Variants in GTF2H1 observed in about 807,000 individuals in gnomAD.
GTF2H1 encodes the protein general transcription factor IIH subunit 1.
A neutral mutation model predicts 71.2 loss-of-function variants in GTF2H1; 16 were observed. The ratio of observed to expected loss-of-function variants is 0.22; its 90% CI spans 0.15 to 0.34. The LOEUF (loss-of-function observed/expected upper bound fraction) is 0.34. Among genes scored for constraint, GTF2H1 ranks in the 10% least tolerant of loss-of-function variants. The probability of loss-of-function intolerance (pLI) is 1.00; values close to 1 mark genes in which losing one functional copy is unlikely to be tolerated. For missense variants in GTF2H1, 498 were observed against 648.2 expected (o/e 0.77, Z 2.52); for synonymous variants, 215 against 219.0 (o/e 0.98, Z 0.16).
At chr11:18,365,738 CCCCTGCTT>C in intron 14 of GTF2H1, 37 bp from the exon 15 acceptor site, 1 of 1,327,958 alleles carries the variant, frequency 7.5e-7, no homozygotes, top group Non-Finnish European at 1.1e-6. Context: ...GGATTAACTT[CCCCTGCTT>C]TTGCCCAGTT....
intron 9 of GTF2H1, among the ~76,000 whole-genome samples, chr11:18,350,734 T>C (rs1221269184): frequency 1.3e-5 from 2 of 152,210 alleles, no homozygotes; most frequent in Non-Finnish European, 2.9e-5. Context: ...TGGTAGTCAA[T>C]AAGAGTTGAC....
chr11:18,360,399 G>A (rs1407253758), intron 13 of GTF2H1, among the ~76,000 whole-genome samples: 1 of 152,172 alleles, frequency 6.6e-6, no homozygotes, highest in African/African-American at 2.4e-5. Context: ...GGGATTACAG[G>A]CGTGAGCCAC....
At chr11:18,336,627 G>A (rs1011723800) in intron 3 of GTF2H1, among the ~76,000 whole-genome samples, 9 of 152,198 alleles carry the variant, frequency 5.9e-5, no homozygotes, top group Admixed American at 5.9e-4. Flanking sequence ...GGAAGGTGCT[G>A]AAGTTCCTTA....
chr11:18,329,607 C>T (rs979818848), intron 1 of GTF2H1, among the ~76,000 whole-genome samples: 8 of 152,216 alleles, frequency 5.3e-5, no homozygotes, highest in Non-Finnish European at 1.0e-4. Context: ...GTGGCCTTCT[C>T]CACTATATGC....
intron 4 of GTF2H1, 124 bp from the exon 5 acceptor site, chr11:18,339,440 G>A (rs773793267): frequency 6.7e-6 from 4 of 598,446 alleles, no homozygotes; most frequent in Non-Finnish European, 1.2e-5. Flanking sequence ...GAAGGTGAGG[G>A]ACTTTCTCTG....
At position 18,357,982 on chromosome 11, in the gene GTF2H1, A is replaced by G. The variant is rs752990420; in HGVS notation, c.1291A>G (p.Ile431Val). 1.9e-6 allele frequency: 3 copies of G among 1,611,842 alleles called. No individual in the cohort carries two copies. Among genetic ancestry groups the G allele is most frequent in the African/African-American group, 1.3e-5 (1 of 74,832 alleles). Residue 431 changes from isoleucine to valine, a missense_variant, in exon 12 of 15, where the codon ATC (isoleucine) becomes GTC (valine). Coordinates refer to ENST00000265963, the MANE Select transcript of GTF2H1 (RefSeq NM_005316.4). ...CTCAAGTAGTGCTGCCAGTAGTACC[A>G]TCACAGCACTGTCACCTGGAGGGGC... ...VLSSSAASST[I>V]TALSPGGALM...
chr11:18,360,865 G>GCATGA, intron 14 of GTF2H1, 158 bp downstream of exon 14: 1 of 525,588 alleles, frequency 1.9e-6, no homozygotes, highest in Non-Finnish European at 3.3e-6. Flanking sequence ...GAGTACAGTG[G>GCATGA]CTCCATCTCA....
intron 1 of GTF2H1, among the ~76,000 whole-genome samples, chr11:18,327,097 TAA>T (rs1261545465): frequency 6.6e-6 from 1 of 152,164 alleles, no homozygotes; most frequent in Non-Finnish European, 1.5e-5. Flanking sequence ...ATGTTTATTG[TAA>T]AGAATACTAG....
At chr11:18,330,347 C>T (rs1020742230) in intron 1 of GTF2H1, among the ~76,000 whole-genome samples, 55 of 152,160 alleles carry the variant, frequency 3.6e-4, no homozygotes, top group African/African-American at 1.3e-3. Context: ...TAAAGAAAGG[C>T]AGATTTGTTA....
At chr11:18,359,175 TGGA>T in intron 13 of GTF2H1, among the ~76,000 whole-genome samples, 1 of 152,322 alleles carries the variant, frequency 6.6e-6, no homozygotes, top group African/African-American at 2.4e-5. Flanking sequence ...CACTAAAGAA[TGGA>T]GTGGCCTAGG....
chr11:18,335,933 G>A lies in GTF2H1; in HGVS notation c.334G>A (p.Glu112Lys). 1 of 1,613,806 alleles carries A rather than the reference G, an allele frequency of 6.2e-7. No homozygotes were observed. The highest frequency in any genetic ancestry group is 8.5e-7 in the Non-Finnish European group (1 of 1,179,710). ...KFKRKANKEL[E>K]EKNRMLQEDP... ...CAAGAGGAAAGCAAATAAAGAACTGGAAGAGAAGAACAGGTGGGAGGAAAA... is the reference window on the plus strand; with the variant it reads ...CAAGAGGAAAGCAAATAAAGAACTGAAAGAGAAGAACAGGTGGGAGGAAAA... Residue 112 changes from glutamate (E) to lysine (K), a missense_variant, in exon 3 of 15, where the codon GAA (glutamate) becomes AAA (lysine). Glu to Lys is a moderately conservative substitution (Grantham distance 56). Around this residue, in one of 3 missense-constraint regions of GTF2H1, gnomAD observed 216 missense variants for 306.2 expected, o/e 0.71. Coordinates refer to ENST00000265963, the MANE Select transcript of GTF2H1 (RefSeq NM_005316.4).
chr11:18,355,261 G>C (rs1865516033), intron 11 of GTF2H1, among the ~76,000 whole-genome samples: 1 of 151,604 alleles, frequency 6.6e-6, no homozygotes, highest in South Asian at 2.1e-4. Context: ...TCCTGCCTCA[G>C]CCTCTGGAGT....
intron 14 of GTF2H1, among the ~76,000 whole-genome samples, chr11:18,363,266 C>T (rs150215097): frequency 0.033 from 5,049 of 152,146 alleles, 272 homozygotes; most frequent in African/African-American, 0.11. Context: ...TTTTAAAATA[C>T]AGTAAATAGA....
chr11:18,331,275 C>T (rs1323016201), intron 1 of GTF2H1, among the ~76,000 whole-genome samples: 2 of 152,192 alleles, frequency 1.3e-5, no homozygotes, highest in South Asian at 2.1e-4. Context: ...AGACTGGTCT[C>T]GAGCTCCTGA....
At chr11:18,328,750 C>CG (rs1864828635) in intron 1 of GTF2H1, among the ~76,000 whole-genome samples, 1 of 144,548 alleles carries the variant, frequency 6.9e-6, no homozygotes, top group Admixed American at 6.9e-5. Context: ...CGCTTGAACC[C>CG]GGGAGGCGGA....
chr11:18,360,460 GT>G (rs1344367389), intron 13 of GTF2H1, among the ~76,000 whole-genome samples, 154 bp from the exon 14 acceptor site: 3 of 152,096 alleles, frequency 2.0e-5, no homozygotes, highest in Non-Finnish European at 4.4e-5. Flanking sequence ...ACATTGAAGG[GT>G]TAACAATGTG....
intron 7 of GTF2H1, among the ~76,000 whole-genome samples, chr11:18,344,886 T>G (rs1865249587): frequency 6.6e-6 from 1 of 152,158 alleles, no homozygotes; most frequent in East Asian, 1.9e-4. Context: ...CTAACCAGCT[T>G]CTGCCTATCT....
chr11:18,339,974 C>G (rs1246217671), intron 5 of GTF2H1, among the ~76,000 whole-genome samples: 2 of 152,166 alleles, frequency 1.3e-5, no homozygotes, highest in Non-Finnish European at 2.9e-5. Context: ...GATTCCTTGA[C>G]CCCAGCCTCA....
At position 18,352,547 on chromosome 11, in the gene GTF2H1, C is replaced by A. The variant is rs4150648; in HGVS notation, c.1260+101C>A. ...CCATACAACTAATATTTTAATTGGGCTTAAAGACATAGTTCTGCTAAATAA... is the reference window on the plus strand; with the variant it reads ...CCATACAACTAATATTTTAATTGGGATTAAAGACATAGTTCTGCTAAATAA... On this transcript the variant is annotated intron_variant, in intron 11 of 14. Transcript: ENST00000265963. 6,339 of 578,114 alleles carry A rather than the reference C, an allele frequency of 0.011. 327 individuals carry two copies. The African/African-American group carries it at 0.11, about 10-fold the overall frequency. 35.8% of individuals were successfully genotyped at this position (578,114 alleles called of 1,614,324 possible).
Sources: gnomAD v4.1 joint callset for allele counts (sites outside exome capture counted in the v4.1 genomes callset) on GRCh38, gnomAD v4.1.1 for gene constraint, gnomAD v4.1.1 regional missense constraint, MANE v1.5 for transcripts, NCBI Gene and HGNC (gene_info 2026-07-23, HGNC 2026-07-21) for gene names.